Variants in SCFD1 observed in about 807,000 individuals in gnomAD.
The protein encoded by SCFD1 is sec1 family domain-containing protein 1.
SCFD1 carries 37 observed loss-of-function variants against 103.2 expected under a neutral mutation model. The observed-to-expected ratio is 0.36, with a 90% CI of 0.28 to 0.47. The LOEUF is 0.47. Ranked by LOEUF, SCFD1 falls within the 20% of genes least tolerant of loss-of-function variation. SCFD1 has a pLI of 1.00. For synonymous variants in SCFD1, 264 were observed against 245.0 expected (o/e 1.08, Z -0.73); for missense variants, 639 against 761.2 (o/e 0.84, Z 1.89).
chr14:30,644,542 C>T (rs1427506858), intron 7 of SCFD1, among the ~76,000 whole-genome samples: 2 of 152,200 alleles, frequency 1.3e-5, no homozygotes, highest in African/African-American at 4.8e-5. Context: ...AATAGACATT[C>T]TGACTGGTGT....
At chr14:30,667,842 C>T (rs1276993891) in intron 10 of SCFD1, among the ~76,000 whole-genome samples, 1 of 152,164 alleles carries the variant, frequency 6.6e-6, no homozygotes, top group African/African-American at 2.4e-5. Flanking sequence ...ATTCAACTTA[C>T]AAGGGATGTG....
intron 15 of SCFD1, 41 bp downstream of exon 15, chr14:30,694,910 T>C (rs763448318): frequency 5.8e-6 from 9 of 1,558,606 alleles, no homozygotes; most frequent in African/African-American, 2.8e-5. Flanking sequence ...GTTTCATATC[T>C]GACGAAAGCA....
intron 23 of SCFD1, among the ~76,000 whole-genome samples, chr14:30,729,330 T>A (rs188012789): frequency 6.6e-6 from 1 of 152,172 alleles, no homozygotes; most frequent in Admixed American, 6.5e-5. Context: ...AAATCTAAGG[T>A]CATAAAGATT....
intron 20 of SCFD1, among the ~76,000 whole-genome samples, chr14:30,717,872 A>C (rs186615503): frequency 6.6e-6 from 1 of 151,160 alleles, no homozygotes; most frequent in Admixed American, 6.6e-5. Context: ...TGACAGAGCA[A>C]GACTCTGCCT....
intron 23 of SCFD1, among the ~76,000 whole-genome samples, chr14:30,724,335 G>A (rs1035772680): frequency 2.2e-5 from 3 of 137,286 alleles, no homozygotes; most frequent in East Asian, 2.3e-4. Flanking sequence ...TCACAGCGAC[G>A]TCTGCCTCCC....
rs1478616689 is a variant in SCFD1, at chr14:30,638,115, G to A, written c.313-10G>A. The A allele has an allele frequency of 6.3e-6, 10 of 1,590,336 alleles. No homozygotes were observed. Among genetic ancestry groups the A allele is most frequent in the Admixed American group, 1.8e-5 (1 of 56,132 alleles). On this transcript the variant is annotated splice_polypyrimidine_tract_variant and intron_variant, in intron 4 of 24. Transcript: ENST00000458591. ...ATCCTATAAGAATAAAGTTTTCATT[G>A]TATTGATAGGATCTTCGAAATCAAC... is the stretch of plus-strand genomic sequence containing the variant.
chr14:30,729,084 A>G (rs926977133), intron 23 of SCFD1, among the ~76,000 whole-genome samples: 2 of 151,832 alleles, frequency 1.3e-5, no homozygotes, highest in South Asian at 2.1e-4. Flanking sequence ...TCCATTTTTA[A>G]TTGGGTTATT....
chr14:30,725,078 A>G (rs1410194139), intron 23 of SCFD1, among the ~76,000 whole-genome samples: 1 of 152,174 alleles, frequency 6.6e-6, no homozygotes, highest in Non-Finnish European at 1.5e-5. Context: ...TGTTTTGGCT[A>G]CTGTATAGCC....
intron 14 of SCFD1, among the ~76,000 whole-genome samples, chr14:30,679,020 T>G (rs919733045): frequency 6.6e-6 from 1 of 152,190 alleles, no homozygotes. Context: ...CTTTTTATTT[T>G]TATTTTTTGG....
chr14:30,628,215 T>C lies in SCFD1; in HGVS notation c.68T>C (p.Leu23Ser). The change falls in exon 2 of 25, where the codon TTG becomes TCG. Residue 23 changes from leucine to serine, a missense_variant. Physicochemically the swap from Leu to Ser is moderately radical, Grantham distance 145 (BLOSUM62 -2). Coordinates refer to ENST00000458591, the MANE Select transcript of SCFD1 (RefSeq NM_016106.4). ...TAAAACTTTTTATTTTCAGTGGCTTTGAAGCGTATGTTGAATTTCAATGTG... is the reference window on the plus strand; with the variant it reads ...TAAAACTTTTTATTTTCAGTGGCTTCGAAGCGTATGTTGAATTTCAATGTG... ...ASIRERQTVALKRMLNFNVPH... is the reference protein window; with the variant it reads ...ASIRERQTVASKRMLNFNVPH... 1.9e-6 allele frequency: 3 copies of C among 1,609,230 alleles called. No individual in the cohort carries two copies. Among genetic ancestry groups the C allele is most frequent in the Non-Finnish European group, 2.5e-6 (3 of 1,176,554 alleles).
In SCFD1 at chr14:30,734,482, T is replaced by G. The variant is rs181012719; in HGVS notation, c.1837-308T>G. On this transcript the variant is annotated intron_variant, in intron 23 of 24. Transcript: ENST00000458591. ...CATTGGAAGAATGTTGTTCTAAGATTTTATAGGTAACTGTTGCTCCTGTGA... is the reference window on the plus strand; with the variant it reads ...CATTGGAAGAATGTTGTTCTAAGATGTTATAGGTAACTGTTGCTCCTGTGA... 19 of 333,746 alleles carry G rather than the reference T, an allele frequency of 5.7e-5. No homozygotes were observed. In the East Asian group the frequency reaches 1.1e-3, roughly 19 times the overall value. 20.7% of individuals were successfully genotyped at this position (333,746 alleles called of 1,614,324 possible). A position where few individuals can be genotyped will look rare whatever the true frequency, so the allele number is the denominator to read the frequency against.
chr14:30,708,857 T>C (rs1445156376), intron 19 of SCFD1, among the ~76,000 whole-genome samples: 1 of 152,172 alleles, frequency 6.6e-6, no homozygotes, highest in Non-Finnish European at 1.5e-5. Flanking sequence ...TAAATGACTT[T>C]TTTGTTTCTG....
chr14:30,678,040 A>ATG (rs1284975380), intron 14 of SCFD1, among the ~76,000 whole-genome samples: 5 of 151,468 alleles, frequency 3.3e-5, no homozygotes, highest in African/African-American at 1.2e-4. Context: ...GGATTTCACC[A>ATG]TGTTGGGCAG....
chr14:30,693,715 G>A (rs545987757), intron 14 of SCFD1, among the ~76,000 whole-genome samples: 4 of 152,152 alleles, frequency 2.6e-5, no homozygotes, highest in African/African-American at 7.2e-5. Context: ...TTGGTTCTAC[G>A]TTGGTATTAC....
Position 30,708,072 on chromosome 14 carries a change from A to C in SCFD1, c.1629+7A>C, listed in dbSNP as rs1891598116. 6.3e-7 allele frequency: 1 copy of C among 1,577,802 alleles called. No individual in the cohort carries two copies. Among genetic ancestry groups the C allele is most frequent in the Non-Finnish European group, 8.7e-7 (1 of 1,147,132 alleles). On this transcript the variant is annotated splice_region_variant and intron_variant, in intron 19 of 24. Transcript: ENST00000458591. ...CCTGGTTTTGAAACAGCAAGTAAGT[A>C]CACTTGTTAGAAAACATACTGGTAA...
intron 10 of SCFD1, among the ~76,000 whole-genome samples, chr14:30,667,186 A>G (rs975133590): frequency 1.3e-5 from 2 of 152,250 alleles, no homozygotes; most frequent in African/African-American, 4.8e-5. Context: ...ATCCAACAGT[A>G]CATCAAAAAG....
chr14:30,691,563 A>AT (rs1890302988), intron 14 of SCFD1, among the ~76,000 whole-genome samples: 1 of 152,210 alleles, frequency 6.6e-6, no homozygotes, highest in Non-Finnish European at 1.5e-5. Context: ...CTCCCTCATA[A>AT]TCAGTATATT....
chr14:30,721,047 A>G (rs186967008), intron 21 of SCFD1, among the ~76,000 whole-genome samples: 76 of 152,254 alleles, frequency 5.0e-4, no homozygotes, highest in African/African-American at 1.6e-3. Flanking sequence ...ATACTATTCT[A>G]TAAGTCTTAC....
chr14:30,630,425 G>A (rs1029358782), intron 2 of SCFD1, 52 bp from the exon 3 acceptor site: 4 of 985,890 alleles, frequency 4.1e-6, no homozygotes, highest in African/African-American at 3.2e-5. Flanking sequence ...CTTAATATAG[G>A]TTCACTATTG....
Sources: allele counts gnomAD v4.1 joint callset (sites outside exome capture counted in the v4.1 genomes callset), GRCh38; gene constraint gnomAD v4.1.1; transcripts MANE v1.5; gene names NCBI Gene and HGNC (gene_info 2026-07-23, HGNC 2026-07-21).